Variants in PUDP observed in about 807,000 individuals in gnomAD.
The protein encoded by PUDP is pseudouridine-5'-phosphatase.
PUDP carries 8 observed loss-of-function variants against 9.4 expected under a neutral mutation model. The ratio of observed to expected loss-of-function variants is 0.85; its 90% CI spans 0.50 to 1.53. The LOEUF (loss-of-function observed/expected upper bound fraction) is 1.53. Ranked by LOEUF, PUDP falls within the 40% of genes most tolerant of loss-of-function variation. The pLI is 0.00. For missense variants in PUDP, 188 were observed against 189.7 expected (o/e 0.99, Z 0.05); for synonymous variants, 99 against 80.7 (o/e 1.23, Z -1.22).
intron 3 of PUDP, among the ~76,000 whole-genome samples, chrX:6,751,645 C>T (rs746077798): frequency 3.6e-5 from 4 of 111,330 alleles, no homozygotes; most frequent in Non-Finnish European, 7.5e-5. Flanking sequence ...AAAGTGCAAC[C>T]TTTCATCTCA....
intron 2 of PUDP, 38 bp from the exon 3 acceptor site, chrX:7,077,487 G>A (rs747400481): frequency 9.4e-7 from 1 of 1,062,097 alleles, no homozygotes; most frequent in Non-Finnish European, 1.3e-6. Flanking sequence ...TGAGGGGCGA[G>A]GCCTCCACCA....
chrX:6,830,511 G>A (rs1473756735), intron 3 of PUDP, among the ~76,000 whole-genome samples: 1 of 111,849 alleles, frequency 8.9e-6, no homozygotes, highest in Non-Finnish European at 1.9e-5. Flanking sequence ...ATGCCCAACC[G>A]GGAAGTCTAT....
chrX:7,138,519 C>T (rs928365968), intron 1 of PUDP, among the ~76,000 whole-genome samples: 9 of 110,177 alleles, frequency 8.2e-5, no homozygotes, highest in East Asian at 2.8e-4. Flanking sequence ...ATTACAGGCA[C>T]GCATCACCAT....
At chrX:6,749,543 C>G (rs1290562213) in intron 3 of PUDP, among the ~76,000 whole-genome samples, 1 of 111,673 alleles carries the variant, frequency 9.0e-6, no homozygotes, top group Non-Finnish European at 1.9e-5. Context: ...AGAACTATGC[C>G]TACGTCAGGG....
At chrX:6,764,237 G>A (rs1033827930) in intron 3 of PUDP, among the ~76,000 whole-genome samples, 5 of 111,655 alleles carry the variant, frequency 4.5e-5, no homozygotes, top group South Asian at 7.5e-4. Flanking sequence ...CAAAGCAGGA[G>A]GCAAAGCAGA....
At chrX:7,124,546 C>G (rs1188951926) in intron 1 of PUDP, among the ~76,000 whole-genome samples, 2 of 111,106 alleles carry the variant, frequency 1.8e-5, no homozygotes, top group Non-Finnish European at 3.8e-5. Flanking sequence ...CAGAAACAAA[C>G]AGAGCCTTGC....
chrX:6,960,303 G>T (rs150063694), intron 3 of PUDP, among the ~76,000 whole-genome samples: 2,066 of 112,374 alleles, frequency 0.018, 19 homozygotes, highest in Non-Finnish European at 0.03. Context: ...AGGTGATTAG[G>T]CCATTGAGGG....
At chrX:6,773,256 T>A (rs1925397064) in intron 3 of PUDP, among the ~76,000 whole-genome samples, 1 of 112,321 alleles carries the variant, frequency 8.9e-6, no homozygotes, top group Admixed American at 9.4e-5. Context: ...AGAGCCATGC[T>A]ATCAGGGGAC....
intron 3 of PUDP, among the ~76,000 whole-genome samples, chrX:6,956,658 A>G (rs1019737972): frequency 1.8e-5 from 2 of 111,646 alleles, no homozygotes; most frequent in Non-Finnish European, 3.8e-5. Flanking sequence ...ACATTTTTAG[A>G]AAGAGAAGGA....
At chrX:6,791,952 T>C (rs1925756477) in intron 3 of PUDP, among the ~76,000 whole-genome samples, 1 of 111,595 alleles carries the variant, frequency 9.0e-6, no homozygotes, top group African/African-American at 3.3e-5. Context: ...AGAAAAACAT[T>C]TGAGTGGGAG....
intron 3 of PUDP, among the ~76,000 whole-genome samples, chrX:7,065,387 C>T (rs1479125970): frequency 8.9e-6 from 1 of 111,770 alleles, no homozygotes; most frequent in Non-Finnish European, 1.9e-5. Context: ...AGACTTGGTT[C>T]GAGTTTTACA....
At chrX:6,924,426 C>T (rs1178364128) in intron 3 of PUDP, among the ~76,000 whole-genome samples, 2 of 111,967 alleles carry the variant, frequency 1.8e-5, no homozygotes, top group African/African-American at 3.2e-5. Context: ...AGCTACAGGT[C>T]GAGTATCCTT....
chrX:6,991,064 G>C, intron 1 of PUDP, among the ~76,000 whole-genome samples: 1 of 111,406 alleles, frequency 9.0e-6, no homozygotes, highest in Admixed American at 9.5e-5. Context: ...TCAGGTTTGG[G>C]CTTGTGGAAT....
intron 3 of PUDP, among the ~76,000 whole-genome samples, chrX:6,924,453 G>A (rs753202625): frequency 2.7e-5 from 3 of 112,167 alleles, no homozygotes; most frequent in African/African-American, 9.7e-5. Context: ...AAATGCTTGG[G>A]ACCAGAAGTG....
chrX:6,863,386 G>T (rs972112052), intron 3 of PUDP, among the ~76,000 whole-genome samples: 5 of 112,400 alleles, frequency 4.4e-5, no homozygotes, highest in African/African-American at 1.6e-4. Flanking sequence ...CTTTACTGGA[G>T]ATATCAGATT....
At chrX:6,790,844 T>A (rs769333476) in intron 3 of PUDP, among the ~76,000 whole-genome samples, 18 of 112,323 alleles carry the variant, frequency 1.6e-4, no homozygotes, top group Admixed American at 3.8e-4. Context: ...GGACCTGAGT[T>A]ACACACATGT....
At position 7,058,235 on chromosome X, in the gene PUDP, A is replaced by T. The variant is rs186091511; in HGVS notation, c.511-7763T>A. Among the ~76,000 whole-genome samples the T allele has an allele frequency of 1.7e-3, 192 of 112,337 alleles. 1 individual carries two copies. Among genetic ancestry groups the T allele is most frequent in the African/African-American group, 6.2e-3 (191 of 30,888 alleles). On this transcript the variant is annotated intron_variant, in intron 3 of 3. Transcript: ENST00000381077. Reference sequence around the variant, plus strand: ...TGTTTTAAATTATGTGCTTCATTGGAACTAGTGAGCTTTCCAAATATTACT... The same window carrying T: ...TGTTTTAAATTATGTGCTTCATTGGTACTAGTGAGCTTTCCAAATATTACT...
chrX:7,085,354 T>A (rs376018870), intron 2 of PUDP: 1 of 112,415 alleles, frequency 8.9e-6, no homozygotes, highest in East Asian at 2.8e-4. Context: ...AGGACTTGTC[T>A]CGCTCTCTGA....
chrX:6,854,339 A>T (rs762330067), intron 3 of PUDP, among the ~76,000 whole-genome samples: 68 of 112,121 alleles, frequency 6.1e-4, no homozygotes, highest in Middle Eastern at 4.6e-3. Flanking sequence ...AAAGAAAAAA[A>T]ATCTGCTAGA....
Sources: gnomAD v4.1 joint callset for allele counts (sites outside exome capture counted in the v4.1 genomes callset) on GRCh38, gnomAD v4.1.1 for gene constraint, MANE v1.5 for transcripts, NCBI Gene and HGNC (gene_info 2026-07-23, HGNC 2026-07-21) for gene names.